The following PTPRD variants were observed in gnomAD, a reference collection of about 807,000 sequenced individuals.
PTPRD encodes the protein receptor-type tyrosine-protein phosphatase delta.
A neutral mutation model predicts 214.5 loss-of-function variants in PTPRD; 34 were observed. That is an observed-to-expected ratio of 0.16 (90% confidence interval 0.12 to 0.21). PTPRD has a LOEUF of 0.21. PTPRD is among the 10% of genes least tolerant of loss of function. PTPRD has a pLI of 1.00. For synonymous variants in PTPRD, 1,128 were observed against 845.7 expected, an observed-to-expected ratio of 1.33 and a Z score of -5.79; for missense variants, 2,545 against 2,398.7, an observed-to-expected ratio of 1.06 and a Z score of -1.27.
intron 5 of PTPRD, among the ~76,000 whole-genome samples, chr9:9,918,361 A>AAG (rs951269634): frequency 6.6e-6 from 1 of 150,434 alleles, no homozygotes; most frequent in African/African-American, 2.4e-5. Context: ...TAAAAAAAAA[A>AAG]AAAAAAAAAC....
chr9:10,592,808 A>C (rs994081807), intron 2 of PTPRD, among the ~76,000 whole-genome samples: 11 of 151,944 alleles, frequency 7.2e-5, no homozygotes, highest in African/African-American at 2.7e-4. Flanking sequence ...AGCCAATCGC[A>C]GGGAGGATTG....
chr9:8,513,383 G>C (rs1326257506), intron 21 of PTPRD, among the ~76,000 whole-genome samples: 1 of 151,962 alleles, frequency 6.6e-6, no homozygotes, highest in African/African-American at 2.4e-5. Flanking sequence ...CAAATCAAAA[G>C]TGAGACTTCT....
intron 8 of PTPRD, among the ~76,000 whole-genome samples, chr9:9,472,005 G>A (rs1021821597): frequency 7.9e-5 from 12 of 151,800 alleles, no homozygotes; most frequent in Admixed American, 6.6e-5. Context: ...ATAAAATATA[G>A]ACCATTACCT....
chr9:9,617,470 A>C (rs1036345058), intron 7 of PTPRD, among the ~76,000 whole-genome samples: 1 of 152,186 alleles, frequency 6.6e-6, no homozygotes, highest in Non-Finnish European at 1.5e-5. Flanking sequence ...AAGTAGGATA[A>C]TCCTGGACAC....
chr9:8,447,444 T>G (rs1353386640), intron 34 of PTPRD, among the ~76,000 whole-genome samples: 1 of 152,226 alleles, frequency 6.6e-6, no homozygotes, highest in Admixed American at 6.5e-5. Flanking sequence ...TCTCTATAAA[T>G]GGATATAATA....
chr9:10,419,833 A>C (rs1406296812), intron 2 of PTPRD, among the ~76,000 whole-genome samples: 1 of 151,800 alleles, frequency 6.6e-6, no homozygotes, highest in Non-Finnish European at 1.5e-5. Context: ...TTAGTGAGAC[A>C]TATTTTAGTT....
At chr9:10,563,484 G>A (rs2064629667) in intron 2 of PTPRD, among the ~76,000 whole-genome samples, 1 of 152,104 alleles carries the variant, frequency 6.6e-6, no homozygotes, top group Admixed American at 6.6e-5. Context: ...GGAAACCAGT[G>A]TTTCCCTCTT....
At chr9:9,524,316 CT>C (rs2073485094) in intron 8 of PTPRD, among the ~76,000 whole-genome samples, 1 of 152,032 alleles carries the variant, frequency 6.6e-6, no homozygotes, top group African/African-American at 2.4e-5. Context: ...CTTTCTTTTG[CT>C]TCAGTCTCAA....
intron 11 of PTPRD, among the ~76,000 whole-genome samples, chr9:8,998,849 A>C (rs2099407137): frequency 6.6e-6 from 1 of 152,082 alleles, no homozygotes; most frequent in African/African-American, 2.4e-5. Context: ...GGAATTTGGA[A>C]GAAGTTGATT....
chr9:9,165,365 A>C (rs1250376029), intron 10 of PTPRD, among the ~76,000 whole-genome samples: 1 of 152,204 alleles, frequency 6.6e-6, no homozygotes, highest in Non-Finnish European at 1.5e-5. Flanking sequence ...CATTGCCTTC[A>C]AAGAGAATTA....
chr9:9,373,035 A>G (rs988415921), intron 9 of PTPRD, among the ~76,000 whole-genome samples: 3 of 152,054 alleles, frequency 2.0e-5, no homozygotes, highest in Non-Finnish European at 4.4e-5. Flanking sequence ...CAAACACTCA[A>G]TGTTATGTAT....
chr9:9,631,416 T>G (rs2095590580), intron 7 of PTPRD, among the ~76,000 whole-genome samples: 1 of 152,160 alleles, frequency 6.6e-6, no homozygotes, highest in African/African-American at 2.4e-5. Context: ...CACAAGTTAT[T>G]CTTTCAAATG....
chr9:9,959,173 G>T (rs972576275), intron 4 of PTPRD, among the ~76,000 whole-genome samples: 1 of 152,062 alleles, frequency 6.6e-6, no homozygotes, highest in African/African-American at 2.4e-5. Flanking sequence ...GCAATAAAAA[G>T]AAATTGCCTA....
At chr9:8,333,174 C>G (rs1437178412) in intron 43 of PTPRD, among the ~76,000 whole-genome samples, 1 of 152,080 alleles carries the variant, frequency 6.6e-6, no homozygotes, top group Non-Finnish European at 1.5e-5. Flanking sequence ...CCCATAAGTA[C>G]TTTATGGATG....
chr9:10,532,745 A>G (rs2056736035), intron 2 of PTPRD, among the ~76,000 whole-genome samples: 1 of 151,602 alleles, frequency 6.6e-6, no homozygotes, highest in African/African-American at 2.4e-5. Context: ...TAATAAATAA[A>G]AGTTTTCTTT....
At chr9:10,602,353 C>T (rs1471754600) in intron 2 of PTPRD, among the ~76,000 whole-genome samples, 4 of 151,732 alleles carry the variant, frequency 2.6e-5, no homozygotes, top group African/African-American at 7.3e-5. Context: ...TCAATCAATA[C>T]ACAGGCAGCA....
At chr9:9,518,265 C>A (rs1196681727) in intron 8 of PTPRD, among the ~76,000 whole-genome samples, 1 of 152,064 alleles carries the variant, frequency 6.6e-6, no homozygotes, top group East Asian at 1.9e-4. Flanking sequence ...GTAATGTTAA[C>A]AAGCATAAAC....
At chr9:8,797,892 G>A (rs1600135733) in intron 11 of PTPRD, among the ~76,000 whole-genome samples, 1 of 141,344 alleles carries the variant, frequency 7.1e-6, no homozygotes. Flanking sequence ...TTCATTTTTA[G>A]AGAGTCTTGA....
At chr9:9,545,100 C>A in intron 8 of PTPRD, among the ~76,000 whole-genome samples, 1 of 151,612 alleles carries the variant, frequency 6.6e-6, no homozygotes, top group East Asian at 1.9e-4. Context: ...CATCCCCCAC[C>A]AAAATAGTAC....
Sources: gnomAD v4.1 joint callset for allele counts (sites outside exome capture counted in the v4.1 genomes callset) on GRCh38, gnomAD v4.1.1 for gene constraint, MANE v1.5 for transcripts, NCBI Gene and HGNC (gene_info 2026-07-23, HGNC 2026-07-21) for gene names.